The following FGFR2 variants were observed in gnomAD, a reference collection of about 807,000 sequenced individuals.
The protein encoded by FGFR2 is BEK fibroblast growth factor receptor.
A neutral mutation model predicts 95.9 loss-of-function variants in FGFR2; 19 were observed. That is an observed-to-expected ratio of 0.20 (90% confidence interval 0.14 to 0.29). The LOEUF (loss-of-function observed/expected upper bound fraction) is 0.29, where lower values mean the gene tolerates loss of function less well. Among genes scored for constraint, FGFR2 ranks in the 10% least tolerant of loss-of-function variants. FGFR2 has a pLI of 1.00. For missense variants in FGFR2, 707 were observed against 1,056.9 expected (o/e 0.67, Z 4.59); for synonymous variants, 392 against 393.3 (o/e 1.00, Z 0.04).
intron 9 of FGFR2, among the ~76,000 whole-genome samples, chr10:121,506,658 G>C (rs1848330297): frequency 6.6e-6 from 1 of 152,164 alleles, no homozygotes; most frequent in Non-Finnish European, 1.5e-5. Context: ...TCATCAGCGA[G>C]GCTCACAGAA....
intron 4 of FGFR2, among the ~76,000 whole-genome samples, chr10:121,560,423 G>T (rs993688701): frequency 2.0e-5 from 3 of 151,890 alleles, no homozygotes; most frequent in African/African-American, 4.8e-5. Context: ...GACCATTCTG[G>T]CTAACATGGT....
chr10:121,478,330 T>C (rs1844270034), downstream of FGFR2: 1 of 227,884 alleles, frequency 4.4e-6, no homozygotes, highest in Non-Finnish European at 8.7e-6. Context: ...AAGACACGAG[T>C]ATTAAAAAAA....
chr10:121,499,464 G>C (rs1355290915), intron 11 of FGFR2, among the ~76,000 whole-genome samples: 1 of 152,242 alleles, frequency 6.6e-6, no homozygotes, highest in Non-Finnish European at 1.5e-5. Flanking sequence ...ATGTGAAGGA[G>C]GGAGCCACGG....
In FGFR2 at chr10:121,515,180, G is replaced by T; in HGVS notation, c.1224C>A (p.Asp408Glu). Reference sequence around the variant, plus strand: ...TGTGCACAGCCGGCTGGCTGCTGAAGTCTGGCTTCTTGGTCGTGTTCTTCA... The same window carrying T: ...TGTGCACAGCCGGCTGGCTGCTGAATTCTGGCTTCTTGGTCGTGTTCTTCA... ...CRMKNTTKKPDFSSQPAVHKL... is the reference protein window; with the variant it reads ...CRMKNTTKKPEFSSQPAVHKL... Residue 408 changes from aspartate (D) to glutamate (E), a missense_variant, in exon 9 of 18, where the codon GAC becomes GAA. Asp to Glu is a conservative substitution (Grantham distance 45). Coordinates refer to ENST00000358487, the MANE Select transcript of FGFR2 (RefSeq NM_000141.5). 1.2e-6 allele frequency: 2 copies of T among 1,614,220 alleles called. No individual in the cohort carries two copies. Among genetic ancestry groups the T allele is most frequent in the Non-Finnish European group, 1.7e-6 (2 of 1,180,038 alleles).
Position 121,518,958 on chromosome 10 carries a change from C to A in FGFR2, c.939+1021G>T, listed in dbSNP as rs559671934. On this transcript the variant is annotated intron_variant, in intron 7 of 17. Coordinates refer to ENST00000358487, the MANE Select transcript of FGFR2 (RefSeq NM_000141.5). The surrounding 1 kb of genome is among the most constrained non-coding windows in gnomAD (Gnocchi z 4.0). ...TCTAAACAGCGGCATTAAAGGGCTGCGGATTTTAAAGAACAAAATCAGTCC... is the reference window on the plus strand; with the variant it reads ...TCTAAACAGCGGCATTAAAGGGCTGAGGATTTTAAAGAACAAAATCAGTCC... 1.1e-4 allele frequency: 123 copies of A among 1,150,652 alleles called. No individual in the cohort carries two copies. In the South Asian group the frequency reaches 1.3e-3, roughly 12 times the overall value. The allele number at this position is 1,150,652 out of a possible 1,614,324, so 71.3% of individuals were successfully genotyped here. A position where few individuals can be genotyped will look rare whatever the true frequency, so the allele number is the denominator to read the frequency against.
At chr10:121,508,081 C>T (rs1034423076) in intron 9 of FGFR2, among the ~76,000 whole-genome samples, 1 of 152,184 alleles carries the variant, frequency 6.6e-6, no homozygotes, top group Non-Finnish European at 1.5e-5. Context: ...TATGCAAATA[C>T]TACACCATTT....
chr10:121,553,938 C>T (rs933524464), intron 4 of FGFR2, among the ~76,000 whole-genome samples: 9 of 152,240 alleles, frequency 5.9e-5, no homozygotes, highest in Non-Finnish European at 1.3e-4. Flanking sequence ...GCAGGCCTGA[C>T]CTGTGGCAAC....
chr10:121,543,334 A>T (rs1367947704), intron 5 of FGFR2, among the ~76,000 whole-genome samples: 1 of 151,988 alleles, frequency 6.6e-6, no homozygotes, highest in East Asian at 1.9e-4. Context: ...ACATGGTGAA[A>T]CTCTGTCTCT....
In FGFR2 at chr10:121,551,467, G is replaced by A. The variant is rs1327165264; in HGVS notation, c.455-8C>T. 9 of 1,613,580 alleles carry A rather than the reference G, an allele frequency of 5.6e-6. No homozygotes were observed. Among genetic ancestry groups the A allele is most frequent in the Non-Finnish European group, 7.6e-6 (9 of 1,179,850 alleles). On this transcript the variant is annotated splice_region_variant and splice_polypyrimidine_tract_variant and intron_variant, in intron 4 of 17. Transcript: ENST00000358487. ...TGGTCCAGTATGGTGCTCCTGTTTT[G>A]GAAAACAGTATTAGAATGTATACTG...
intron 5 of FGFR2, among the ~76,000 whole-genome samples, chr10:121,548,279 T>TTTTTTTTTTTTAA (rs1854851997): frequency 1.3e-5 from 1 of 77,924 alleles, no homozygotes; most frequent in East Asian, 3.3e-4. Context: ...TTTTTTTTTT[T>TTTTTTTTTTTTAA]GGTAAAGCAA....
intron 13 of FGFR2, among the ~76,000 whole-genome samples, chr10:121,488,967 C>T (rs995708739): frequency 6.6e-6 from 1 of 152,224 alleles, no homozygotes; most frequent in African/African-American, 2.4e-5. Flanking sequence ...TTGTTAGACG[C>T]AAATGACGTC....
chr10:121,487,778 A>G (rs545862103), intron 14 of FGFR2, among the ~76,000 whole-genome samples: 30 of 152,246 alleles, frequency 2.0e-4, no homozygotes, highest in Non-Finnish European at 3.8e-4. Flanking sequence ...ATTATTCTGT[A>G]TATAAGTGTT....
chr10:121,540,288 G>A (rs535492177), intron 5 of FGFR2, among the ~76,000 whole-genome samples: 14 of 152,240 alleles, frequency 9.2e-5, no homozygotes, highest in East Asian at 3.9e-4. Context: ...ATGAATCTAC[G>A]GGCATCTGAT....
At chr10:121,497,647 CA>C (rs1847053648) in intron 12 of FGFR2, among the ~76,000 whole-genome samples, 1 of 152,172 alleles carries the variant, frequency 6.6e-6, no homozygotes, top group Non-Finnish European at 1.5e-5. Context: ...CACACGTGTG[CA>C]ATAATTTCTC....
At chr10:121,532,661 A>T (rs1202210741) in intron 6 of FGFR2, among the ~76,000 whole-genome samples, 1 of 152,066 alleles carries the variant, frequency 6.6e-6, no homozygotes, top group African/African-American at 2.4e-5. Flanking sequence ...TCTTCCTGGG[A>T]CAGAGGCTGC....
At chr10:121,549,255 G>A (rs1306679748) in intron 5 of FGFR2, among the ~76,000 whole-genome samples, 1 of 152,158 alleles carries the variant, frequency 6.6e-6, no homozygotes, top group African/African-American at 2.4e-5. Flanking sequence ...AACTGTCTAA[G>A]AAATTTCAGA....
At chr10:121,516,345 G>T (rs1002538811) in intron 8 of FGFR2, among the ~76,000 whole-genome samples, 1 of 152,100 alleles carries the variant, frequency 6.6e-6, no homozygotes, top group Non-Finnish European at 1.5e-5. Flanking sequence ...CGCAACAAAA[G>T]GAAAAACGGA....
At chr10:121,501,159 A>T (rs546331251) in intron 10 of FGFR2, among the ~76,000 whole-genome samples, 18 of 152,322 alleles carry the variant, frequency 1.2e-4, no homozygotes, top group African/African-American at 4.3e-4. Flanking sequence ...CGGCTATTAA[A>T]TTTCACATTG....
chr10:121,482,915 G>A (rs897199672), intron 17 of FGFR2, among the ~76,000 whole-genome samples: 2 of 151,970 alleles, frequency 1.3e-5, no homozygotes, highest in Non-Finnish European at 2.9e-5. Flanking sequence ...CCCCTACCTC[G>A]CCTCCTAAGT....
Sources: gnomAD v4.1 joint callset for allele counts (sites outside exome capture counted in the v4.1 genomes callset) on GRCh38, gnomAD v4.1.1 for gene constraint, Gnocchi (gnomAD v3.1) non-coding constraint, MANE v1.5 for transcripts, NCBI Gene and HGNC (gene_info 2026-07-23, HGNC 2026-07-21) for gene names.